MYOF: variants seen among roughly 807,000 people sequenced by gnomAD.
The protein encoded by MYOF is myoferlin.
Under a neutral mutation model 284.2 loss-of-function variants are expected in MYOF, and 244 were observed. That is an observed-to-expected ratio of 0.86 (90% CI 0.77 to 0.95). The LOEUF (loss-of-function observed/expected upper bound fraction) is 0.95, where lower values mean the gene tolerates loss of function less well. Ranked by LOEUF, MYOF falls within the 40% of genes least tolerant of loss-of-function variation. The pLI is 0.00. For missense variants in MYOF, 2,496 were observed against 2,560.6 expected, an observed-to-expected ratio of 0.97 and a Z score of 0.54; for synonymous variants, 904 against 919.7, an observed-to-expected ratio of 0.98 and a Z score of 0.31.
intron 21 of MYOF, among the ~76,000 whole-genome samples, chr10:93,378,713 A>ATATATATATATATATATATATATATATG (rs1338159505): frequency 5.0e-4 from 62 of 124,796 alleles, no homozygotes; most frequent in East Asian, 2.0e-3. Context: ...ATATATATAT[A>ATATATATATATATATATATATATATATG]TATGTATATA....
chr10:93,454,246 A>G (rs554151014), intron 2 of MYOF, among the ~76,000 whole-genome samples: 3 of 152,240 alleles, frequency 2.0e-5, no homozygotes, highest in African/African-American at 7.2e-5. Flanking sequence ...TGGGGTTGAC[A>G]TTTCATTTGT....
rs375965848 is a variant in MYOF at position 93,351,751 on chromosome 10, C to T, written c.3577G>A (p.Asp1193Asn). ...GGTTCCCCATAGATTTCAACTTCAT[C>T]GAATATAATTGTTTGGTCCCACGTG... ...NPTWDQTIIF[D>N]EVEIYGEPQT... Residue 1193 changes from aspartate to asparagine, a missense_variant, in exon 33 of 54, where the codon GAT (aspartate) becomes AAT (asparagine). Physicochemically the swap from Asp to Asn is conservative, Grantham distance 23. This residue lies in a region of MYOF where 2,436 missense variants were observed against 2,480.7 expected (regional missense o/e 0.98). Coordinates refer to ENST00000359263, the MANE Select transcript of MYOF (RefSeq NM_013451.4). The T allele has an allele frequency of 4.1e-5, 65 of 1,599,702 alleles. No individual in the cohort carries two copies. The highest frequency in any genetic ancestry group is 1.0e-4 in the South Asian group (9 of 87,556).
At chr10:93,418,032 G>C (rs1431055997) in intron 5 of MYOF, among the ~76,000 whole-genome samples, 1 of 152,116 alleles carries the variant, frequency 6.6e-6, no homozygotes, top group African/African-American at 2.4e-5. Context: ...GTGATCCCAG[G>C]CTCAAGTGAT....
rs139847355 is a variant in MYOF at position 93,427,024 on chromosome 10, A to T, written c.346-866T>A. The stretch of plus-strand genomic sequence containing the variant: ...GCCTCAGCCTCCCGAATGGCTGGGA[A>T]TACAGGCGTGCACCATCATGCCCGG... On this transcript the variant is annotated intron_variant, in intron 4 of 53. Coordinates refer to ENST00000359263, the MANE Select transcript of MYOF (RefSeq NM_013451.4). 5.4e-3 allele frequency among the ~76,000 whole-genome samples: 814 copies of T among 149,918 alleles called. 6 individuals are homozygous for T. Among genetic ancestry groups the T allele is most frequent in the African/African-American group, 0.019 (766 of 41,130 alleles).
At chr10:93,474,988 A>G (rs1204408605) in intron 1 of MYOF, among the ~76,000 whole-genome samples, 3 of 152,108 alleles carry the variant, frequency 2.0e-5, no homozygotes, top group African/African-American at 7.2e-5. Flanking sequence ...ACCTCAGGTG[A>G]TCTGTCCACC....
chr10:93,351,539 G>C lies in MYOF; in HGVS notation c.3696C>G (p.Phe1232Leu), dbSNP rs1408412173. 6.2e-7 allele frequency: 1 copy of C among 1,614,178 alleles called. No homozygotes were observed. Among genetic ancestry groups the C allele is most frequent in the Admixed American group, 1.7e-5 (1 of 60,014 alleles). The change falls in exon 34 of 54, where the codon TTC becomes TTG. Residue 1232 changes from phenylalanine to leucine, a missense_variant. Transcript: ENST00000359263. ...CTGAGTTCAGTTTCACCACAGGAGA[G>C]AAAATGCTTCGTCCTAAAAATTCAT... ...GKDEFLGRSI[F>L]SPVVKLNSEM...
chr10:93,404,310 A>T, intron 7 of MYOF, 91 bp from the exon 8 acceptor site: 1 of 1,325,774 alleles, frequency 7.5e-7, no homozygotes, highest in Non-Finnish European at 1.1e-6. Flanking sequence ...CCTCCTAAAA[A>T]ATGCAAAACA....
intron 17 of MYOF, among the ~76,000 whole-genome samples, chr10:93,391,413 G>A (rs1010204720): frequency 1.8e-4 from 27 of 151,684 alleles, no homozygotes; most frequent in African/African-American, 1.9e-4. Flanking sequence ...CCAACATGGC[G>A]AAACCCCATC....
intron 50 of MYOF, among the ~76,000 whole-genome samples, chr10:93,314,564 T>C (rs1465228159): frequency 6.6e-6 from 1 of 152,214 alleles, no homozygotes; most frequent in Non-Finnish European, 1.5e-5. Context: ...AAGGAGGTTG[T>C]GGCATTTTCT....
chr10:93,467,090 C>G (rs1348830235), intron 1 of MYOF, among the ~76,000 whole-genome samples: 1 of 152,114 alleles, frequency 6.6e-6, no homozygotes, highest in Non-Finnish European at 1.5e-5. Context: ...TGCCCGAGAT[C>G]ATAGAGCCAG....
chr10:93,408,420 C>T (rs561922054), intron 7 of MYOF, among the ~76,000 whole-genome samples: 2 of 151,870 alleles, frequency 1.3e-5, no homozygotes, highest in African/African-American at 4.8e-5. Flanking sequence ...GCCTGTAATC[C>T]CAGCGACTTG....
At chr10:93,354,889 GA>G (rs757385030) in intron 31 of MYOF, among the ~76,000 whole-genome samples, 82 of 152,226 alleles carry the variant, frequency 5.4e-4, no homozygotes, top group South Asian at 3.1e-3. Context: ...TTGTTAAGAG[GA>G]TTAAACAAGT....
intron 5 of MYOF, among the ~76,000 whole-genome samples, chr10:93,416,386 T>C (rs1270557478): frequency 1.3e-5 from 2 of 151,554 alleles, no homozygotes; most frequent in Non-Finnish European, 2.9e-5. Context: ...TAGCCAGGTG[T>C]GGTGGCAGGC....
In MYOF at chr10:93,313,105, G is replaced by A. The variant is rs750870337; in HGVS notation, c.5804C>T (p.Ala1935Val). Residue 1935 changes from alanine to valine, a missense_variant, in exon 51 of 54, where the codon GCC becomes GTC. Ala to Val is a moderately conservative substitution (Grantham distance 64, BLOSUM62 0). Around this residue, in one of 3 missense-constraint regions of MYOF, gnomAD observed 2,436 missense variants for 2,480.7 expected, o/e 0.98. Coordinates refer to ENST00000359263, the MANE Select transcript of MYOF (RefSeq NM_013451.4). ...PDLKAMNPLK[A>V]KTASLFEQKS... ...CTGCTCAAAGAGGGAGGCTGTCTTG[G>A]CTTTAAGGGGGTTCATGGCTTTGAG... 2 of 1,613,998 alleles carry A rather than the reference G, an allele frequency of 1.2e-6. No homozygotes were observed. The highest frequency in any genetic ancestry group is 3.3e-5 in the Admixed American group (2 of 60,002).
chr10:93,476,772 G>C lies in MYOF; in HGVS notation c.88+5335C>G, dbSNP rs962763737. 3.9e-5 allele frequency among the ~76,000 whole-genome samples: 6 copies of C among 152,194 alleles called. 1 individual carries two copies. The highest frequency in any genetic ancestry group is 2.0e-4 in the Admixed American group (3 of 15,280). The stretch of plus-strand genomic sequence containing the variant: ...ACTACAAAGTTTGATATGCTAATTA[G>C]AGGGGGGATATTCTAGAAATATCTA... On this transcript the variant is annotated intron_variant, in intron 1 of 53. Coordinates refer to ENST00000359263, the MANE Select transcript of MYOF (RefSeq NM_013451.4).
In MYOF at chr10:93,431,589, C is replaced by T. The variant is rs1589559798; in HGVS notation, c.237-73G>A. On this transcript the variant is annotated intron_variant, in intron 3 of 53. Coordinates refer to ENST00000359263, the MANE Select transcript of MYOF (RefSeq NM_013451.4). ...CTTCCAATGACTCAGGACCTCTCAA[C>T]CCCTACCTCTTCATCTGTTAAATCA... The T allele has an allele frequency of 2.8e-6, 3 of 1,071,540 alleles. No homozygotes were observed. The East Asian group carries it at 7.6e-5, about 27-fold the overall frequency. 66.4% of individuals were successfully genotyped at this position (1,071,540 alleles called of 1,614,324 possible).
At chr10:93,378,285 A>G (rs1275866145) in intron 21 of MYOF, among the ~76,000 whole-genome samples, 1 of 152,182 alleles carries the variant, frequency 6.6e-6, no homozygotes, top group East Asian at 1.9e-4. Flanking sequence ...TGGTCAGTGG[A>G]GAGAGCTGAT....
chr10:93,323,288 G>GTGA lies in MYOF; in HGVS notation c.5339_5341dup (p.Ile1780dup). The GTGA allele has an allele frequency of 6.2e-7, 1 of 1,614,136 alleles. No homozygotes were observed. Among genetic ancestry groups the GTGA allele is most frequent in the Non-Finnish European group, 8.5e-7 (1 of 1,179,982 alleles). On this transcript the variant is annotated inframe_insertion, in exon 47 of 54. Transcript: ENST00000359263. ...GACTTACTTCTTGGCTTTCCGGGGT[G>GTGA]TGATGTTGAAAGGAGGGCCTGGTGG...
At chr10:93,314,953 G>C (rs1842552735) in intron 50 of MYOF, among the ~76,000 whole-genome samples, 1 of 152,188 alleles carries the variant, frequency 6.6e-6, no homozygotes, top group Admixed American at 6.5e-5. Flanking sequence ...GGGAGGCTGA[G>C]GTTGGGAGGA....
Sources: gnomAD v4.1 joint callset for allele counts (sites outside exome capture counted in the v4.1 genomes callset) on GRCh38, gnomAD v4.1.1 for gene constraint, gnomAD v4.1.1 regional missense constraint, MANE v1.5 for transcripts, NCBI Gene and HGNC (gene_info 2026-07-23, HGNC 2026-07-21) for gene names.